RETREG3: variants seen among roughly 807,000 people sequenced by gnomAD.
RETREG3 encodes reticulophagy regulator family member 3, also known as reticulophagy regulator 3.
A neutral mutation model predicts 50.2 loss-of-function variants in RETREG3; 23 were observed. The ratio of observed to expected loss-of-function variants is 0.46; its 90% CI spans 0.33 to 0.65. The LOEUF (loss-of-function observed/expected upper bound fraction) is 0.65, where lower values mean the gene tolerates loss of function less well. Ranked by LOEUF, RETREG3 falls within the 30% of genes least tolerant of loss-of-function variation. The pLI is 0.02. For missense variants in RETREG3, 546 were observed against 598.0 expected, an observed-to-expected ratio of 0.91 and a Z score of 0.91; for synonymous variants, 240 against 234.4, an observed-to-expected ratio of 1.02 and a Z score of -0.22.
chr17:42,609,053 C>T, intron 1 of RETREG3, 33 bp downstream of exon 1: 1 of 1,590,960 alleles, frequency 6.3e-7, no homozygotes, highest in Non-Finnish European at 8.5e-7. Flanking sequence ...GAATTCGGGA[C>T]TCGGAGGGTT....
rs1049047590 is a variant in RETREG3, at chr17:42,581,670, G to A, written c.*143C>T. 8.6e-6 allele frequency: 6 copies of A among 701,172 alleles called. No homozygotes were observed. The highest frequency in any genetic ancestry group is 1.8e-5 in the African/African-American group (1 of 55,828). 43.4% of individuals were successfully genotyped at this position (701,172 alleles called of 1,614,324 possible). ...GGGGAGTGAGTGTCCTCTCTAAGGA[G>A]GCCTCTGAGCATCAGCCAGGCCACC... is the stretch of plus-strand genomic sequence containing the variant. On this transcript the variant is annotated 3_prime_UTR_variant, in exon 9 of 9. Coordinates refer to ENST00000309428, the MANE Select transcript of RETREG3 (RefSeq NM_178126.4).
At chr17:42,592,948 C>G (rs1010409366) in intron 1 of RETREG3, among the ~76,000 whole-genome samples, 1 of 152,110 alleles carries the variant, frequency 6.6e-6, no homozygotes, top group African/African-American at 2.4e-5. Context: ...GATCATGCCA[C>G]TGCACTCCAG....
At chr17:42,597,523 G>GCA (rs1567925235) in intron 1 of RETREG3, among the ~76,000 whole-genome samples, 8 of 117,028 alleles carry the variant, frequency 6.8e-5, no homozygotes, top group African/African-American at 2.8e-4. Context: ...GTGTGTGTGT[G>GCA]TATATATATA....
At chr17:42,592,236 G>T (rs956210194) in intron 1 of RETREG3, 74 bp from the exon 2 acceptor site, 21 of 1,221,874 alleles carry the variant, frequency 1.7e-5, no homozygotes, top group Non-Finnish European at 2.1e-5. Context: ...ACGTGTGTAC[G>T]ATGGGCTCTG....
At chr17:42,585,844 A>G (rs747376029) in intron 5 of RETREG3, among the ~76,000 whole-genome samples, 1 of 152,136 alleles carries the variant, frequency 6.6e-6, no homozygotes, top group Non-Finnish European at 1.5e-5. Context: ...ACCCTCATCA[A>G]TTTCTGACTT....
chr17:42,583,432 C>A, intron 7 of RETREG3, 66 bp downstream of exon 7: 1 of 1,494,612 alleles, frequency 6.7e-7, no homozygotes, highest in South Asian at 1.2e-5. Context: ...TAAATGTGAG[C>A]TGTCGGATGG....
intron 2 of RETREG3, among the ~76,000 whole-genome samples, chr17:42,589,304 C>T (rs1311963715): frequency 6.6e-6 from 1 of 152,214 alleles, no homozygotes; most frequent in Non-Finnish European, 1.5e-5. Flanking sequence ...TGCCTAAAAT[C>T]TACATCAGTT....
At chr17:42,603,539 C>T (rs960395961) in intron 1 of RETREG3, among the ~76,000 whole-genome samples, 3 of 152,084 alleles carry the variant, frequency 2.0e-5, no homozygotes, top group African/African-American at 4.8e-5. Context: ...AGCACTCAAC[C>T]ATACAATTAG....
At chr17:42,595,404 CT>C (rs888198953) in intron 1 of RETREG3, among the ~76,000 whole-genome samples, 12 of 147,208 alleles carry the variant, frequency 8.2e-5, no homozygotes, top group South Asian at 2.2e-4. Context: ...CACTCTGGCC[CT>C]TTTTTTTTTC....
rs753477926 is a variant in RETREG3, at chr17:42,609,117, G to A, written c.208C>T (p.Leu70=). The change falls in exon 1 of 9, where the codon CTG becomes TTG. Residue 70 remains leucine, a synonymous_variant. Transcript: ENST00000309428. ...GCCGCGTTCAGCCCCAGGCACCACA[G>A]AGCGCTCCTAGCTGGCCGCTCCCAC... is the stretch of plus-strand genomic sequence containing the variant. ...LVWERPARSA[L]WCLGLNAAFW... 6.2e-7 allele frequency: 1 copy of A among 1,608,468 alleles called. No individual in the cohort carries two copies. The highest frequency in any genetic ancestry group is 8.5e-7 in the Non-Finnish European group (1 of 1,179,892).
At chr17:42,606,467 G>T (rs1157745321) in intron 1 of RETREG3, among the ~76,000 whole-genome samples, 1 of 151,958 alleles carries the variant, frequency 6.6e-6, no homozygotes, top group Admixed American at 6.6e-5. Context: ...CGGGCGTGGT[G>T]GCGCGTGCCT....
chr17:42,604,441 G>A (rs955536724), intron 1 of RETREG3, among the ~76,000 whole-genome samples: 3 of 151,996 alleles, frequency 2.0e-5, no homozygotes, highest in African/African-American at 7.2e-5. Flanking sequence ...AGACCAAGCC[G>A]GGAGGGCTGT....
rs757889076 is a variant in RETREG3, at chr17:42,609,302, G to A, written c.23C>T (p.Pro8Leu). 52 of 1,601,584 alleles carry A rather than the reference G, an allele frequency of 3.2e-5. No individual in the cohort carries two copies. The African/African-American group carries it at 4.7e-4, about 14-fold the overall frequency. ...CCCCGAAGCCGGGCCTGGGGTCGTG[G>A]GAACCCCTTCGGCCTCAGCCATCTC... MAEAEGV[P>L]TTPGPASGST... Residue 8 changes from proline (P) to leucine (L), a missense_variant, in exon 1 of 9, where the codon CCC (proline) becomes CTC (leucine). By Grantham distance (98) the Pro-to-Leu change is moderately conservative. Coordinates refer to ENST00000309428, the MANE Select transcript of RETREG3 (RefSeq NM_178126.4).
rs1248741436 is a variant in RETREG3, at chr17:42,597,600, TA to T, written c.240-5439del. Among the ~76,000 whole-genome samples, 7 of 2,440 alleles carry T rather than the reference TA, an allele frequency of 2.9e-3. 1 individual carries two copies. Among genetic ancestry groups the T allele is most frequent in the Admixed American group, 0.02 (2 of 102 alleles). The allele number at this position is 2,440 out of a possible 152,430, so 1.6% of individuals were successfully genotyped here. ...TTGTGTGTATATATATATATATATATATATATATATATATATATATTTTTTT... is the reference window on the plus strand; with the variant it reads ...TTGTGTGTATATATATATATATATATTATATATATATATATATATTTTTTT... On this transcript the variant is annotated intron_variant, in intron 1 of 8. Transcript: ENST00000309428.
At chr17:42,603,378 T>C (rs1452413165) in intron 1 of RETREG3, among the ~76,000 whole-genome samples, 2 of 152,204 alleles carry the variant, frequency 1.3e-5, no homozygotes, top group Non-Finnish European at 2.9e-5. Flanking sequence ...GAAAGCCTGT[T>C]ACTGTACAGC....
At chr17:42,605,096 A>G (rs1349022274) in intron 1 of RETREG3, among the ~76,000 whole-genome samples, 2 of 152,174 alleles carry the variant, frequency 1.3e-5, no homozygotes, top group Non-Finnish European at 2.9e-5. Flanking sequence ...TGAAAAAAAA[A>G]AAAGTATGAA....
At chr17:42,601,070 G>C (rs930923752) in intron 1 of RETREG3, among the ~76,000 whole-genome samples, 1 of 152,156 alleles carries the variant, frequency 6.6e-6, no homozygotes, top group East Asian at 1.9e-4. Context: ...GACATCAGGA[G>C]TTCAAGACCA....
rs2093124228 is a variant in RETREG3 at position 42,587,842 on chromosome 17, G to T, written c.369C>A (p.Asp123Glu). 3.7e-6 allele frequency: 6 copies of T among 1,614,016 alleles called. No homozygotes were observed. The highest frequency in any genetic ancestry group is 5.1e-6 in the Non-Finnish European group (6 of 1,180,004). Residue 123 changes from aspartate to glutamate, a missense_variant, in exon 3 of 9, where the codon GAC (aspartate) becomes GAA (glutamate). By Grantham distance (45) the Asp-to-Glu change is conservative. Transcript: ENST00000309428. The stretch of plus-strand genomic sequence containing the variant: ...TAATTAGTGTTCCATACCTCTCATT[G>T]TCTAATGCGTCGGGTCTTGGCACTA... ...EIKVPRPDALDNESWGFVHPR... is the reference protein window; with the variant it reads ...EIKVPRPDALENESWGFVHPR...
chr17:42,593,546 A>G (rs2093137345), intron 1 of RETREG3, among the ~76,000 whole-genome samples: 1 of 150,616 alleles, frequency 6.6e-6, no homozygotes, highest in Admixed American at 6.7e-5. Context: ...GCTGCTCGGG[A>G]GGCTGAGACG....
Sources: gnomAD v4.1 joint callset for allele counts (sites outside exome capture counted in the v4.1 genomes callset) on GRCh38, gnomAD v4.1.1 for gene constraint, MANE v1.5 for transcripts, NCBI Gene and HGNC (gene_info 2026-07-23, HGNC 2026-07-21) for gene names.